PDCD6IP: variants seen among roughly 807,000 people sequenced by gnomAD.
The protein encoded by PDCD6IP is programmed cell death 6 interacting protein.
Under a neutral mutation model 103.7 loss-of-function variants are expected in PDCD6IP, and 43 were observed. The ratio of observed to expected loss-of-function variants is 0.41; its 90% confidence interval spans 0.32 to 0.53. The LOEUF (loss-of-function observed/expected upper bound fraction) is 0.53, where lower values mean the gene tolerates loss of function less well. PDCD6IP is among the 20% of genes least tolerant of loss of function. PDCD6IP has a pLI of 0.16. For missense variants in PDCD6IP, 871 were observed against 1,036.7 expected (o/e 0.84, Z 2.20); for synonymous variants, 354 against 378.7 (o/e 0.93, Z 0.76).
chr3:33,823,574 G>A (rs1045128728), intron 4 of PDCD6IP, among the ~76,000 whole-genome samples: 2 of 152,184 alleles, frequency 1.3e-5, no homozygotes, highest in African/African-American at 4.8e-5. Flanking sequence ...ACGAGGTCAG[G>A]AGTTCCAGAC....
chr3:33,842,790 C>T (rs1575932180), intron 10 of PDCD6IP, among the ~76,000 whole-genome samples: 1 of 152,184 alleles, frequency 6.6e-6, no homozygotes, highest in African/African-American at 2.4e-5. Context: ...AGTATTATTA[C>T]TCAGATTTTA....
intron 1 of PDCD6IP, among the ~76,000 whole-genome samples, chr3:33,800,450 C>G (rs1696451168): frequency 6.6e-6 from 1 of 152,052 alleles, no homozygotes; most frequent in African/African-American, 2.4e-5. Flanking sequence ...TTTAATTTCT[C>G]CTTACCCCAT....
At chr3:33,857,959 A>G (rs1559797509) in intron 15 of PDCD6IP, among the ~76,000 whole-genome samples, 1 of 152,350 alleles carries the variant, frequency 6.6e-6, no homozygotes, top group Non-Finnish European at 1.5e-5. Context: ...ATCACATGAG[A>G]GAGAAATTAA....
At chr3:33,802,723 C>T (rs1214171748) in intron 1 of PDCD6IP, among the ~76,000 whole-genome samples, 3 of 152,148 alleles carry the variant, frequency 2.0e-5, no homozygotes, top group African/African-American at 7.2e-5. Context: ...CTCCTGACCT[C>T]GGGTGATCCA....
intron 3 of PDCD6IP, among the ~76,000 whole-genome samples, chr3:33,819,219 T>C (rs1696931977): frequency 6.6e-6 from 1 of 152,114 alleles, no homozygotes; most frequent in African/African-American, 2.4e-5. Context: ...AAAAAATTTT[T>C]TTTCCTTCCT....
chr3:33,844,696 G>A (rs1471705936), intron 11 of PDCD6IP, among the ~76,000 whole-genome samples: 1 of 152,026 alleles, frequency 6.6e-6, no homozygotes, highest in Non-Finnish European at 1.5e-5. Flanking sequence ...GCCCTGGCTT[G>A]TCTTGAACTC....
chr3:33,812,085 A>G lies in PDCD6IP; in HGVS notation c.223A>G (p.Ile75Val). 1.9e-6 allele frequency: 3 copies of G among 1,597,310 alleles called. No homozygotes were observed. Among genetic ancestry groups the G allele is most frequent in the South Asian group, 1.1e-5 (1 of 87,814 alleles). The change falls in exon 2 of 18, where the codon ATT becomes GTT. Residue 75 changes from isoleucine (I) to valine (V), a missense_variant. By Grantham distance (29) the Ile-to-Val change is conservative. Transcript: ENST00000307296. ...TCTATTTTTTAGATATTATGATCAG[A>G]TTTGTTCTATTGAACCCAAATTCCC... ...LETLLRYYDQ[I>V]CSIEPKFPFS...
In PDCD6IP at chr3:33,852,756, T is replaced by C; in HGVS notation, c.1890+20T>C. ...ATTCAGGTGAAATTTATATATTTAATAAGATCTGTGTTTTAAAAATTACAG... is the reference window on the plus strand; with the variant it reads ...ATTCAGGTGAAATTTATATATTTAACAAGATCTGTGTTTTAAAAATTACAG... On this transcript the variant is annotated intron_variant, in intron 13 of 17. Transcript: ENST00000307296. 1 of 1,572,202 alleles carries C rather than the reference T, an allele frequency of 6.4e-7. No homozygotes were observed. Among genetic ancestry groups the C allele is most frequent in the Non-Finnish European group, 8.6e-7 (1 of 1,164,626 alleles).
At chr3:33,825,420 A>G (rs1316584402) in intron 5 of PDCD6IP, 80 bp downstream of exon 5, 9 of 1,206,446 alleles carry the variant, frequency 7.5e-6, no homozygotes, top group Non-Finnish European at 1.0e-5. Flanking sequence ...AGAATATAAT[A>G]TGTTCAATGT....
chr3:33,816,064 G>C (rs547825622), intron 3 of PDCD6IP, among the ~76,000 whole-genome samples: 83 of 152,302 alleles, frequency 5.4e-4, no homozygotes, highest in Middle Eastern at 6.8e-3. Flanking sequence ...TTTCAAAGGT[G>C]ATGTGGTCCA....
At chr3:33,863,189 CAT>C (rs976791034) in intron 15 of PDCD6IP, among the ~76,000 whole-genome samples, 8 of 152,148 alleles carry the variant, frequency 5.3e-5, no homozygotes, top group South Asian at 4.1e-4. Context: ...TTGTGGGGCA[CAT>C]GTGATATTTT....
chr3:33,826,401 TGTGACCTCA>T, intron 5 of PDCD6IP, 70 bp from the exon 6 acceptor site: 1 of 940,766 alleles, frequency 1.1e-6, no homozygotes, highest in Non-Finnish European at 1.6e-6. Flanking sequence ...TGTACAAACT[TGTGACCTCA>T]GTGTTTATAC....
At chr3:33,839,549 G>A (rs1399920334) in intron 9 of PDCD6IP, among the ~76,000 whole-genome samples, 1 of 152,146 alleles carries the variant, frequency 6.6e-6, no homozygotes, top group African/African-American at 2.4e-5. Context: ...CTGTTAATGG[G>A]CATTTCAGTT....
At chr3:33,827,959 G>A (rs1246580685) in intron 6 of PDCD6IP, 1 of 152,168 alleles carries the variant, frequency 6.6e-6, no homozygotes, top group African/African-American at 2.4e-5. Context: ...AAGCACACAA[G>A]GTAGTAATTC....
intron 15 of PDCD6IP, among the ~76,000 whole-genome samples, chr3:33,857,017 G>C (rs891426460): frequency 1.6e-4 from 24 of 151,898 alleles, no homozygotes; most frequent in African/African-American, 5.3e-4. Context: ...CATGAACAGA[G>C]AATGAACATG....
chr3:33,804,377 T>C (rs1006457604), intron 1 of PDCD6IP, among the ~76,000 whole-genome samples: 3 of 152,196 alleles, frequency 2.0e-5, no homozygotes, highest in Admixed American at 2.0e-4. Flanking sequence ...TGTCTCAATA[T>C]TGAGATAATA....
chr3:33,833,487 A>G (rs1006687746), intron 7 of PDCD6IP, among the ~76,000 whole-genome samples: 1 of 151,600 alleles, frequency 6.6e-6, no homozygotes, highest in Non-Finnish European at 1.5e-5. Flanking sequence ...CTCCTTGTAT[A>G]AATGTCTCAG....
intron 15 of PDCD6IP, among the ~76,000 whole-genome samples, chr3:33,862,081 A>G (rs938857021): frequency 1.3e-5 from 2 of 152,214 alleles, no homozygotes; most frequent in East Asian, 1.9e-4. Flanking sequence ...ATTTACTGCA[A>G]CCATCCCTAG....
At chr3:33,816,503 TAAAAAAAAAAAAAAA>T (rs57317946) in intron 3 of PDCD6IP, among the ~76,000 whole-genome samples, 2 of 57,636 alleles carry the variant, frequency 3.5e-5, no homozygotes, top group East Asian at 4.7e-4. Context: ...AGATTCTGTC[TAAAAAAAAAAAAAAA>T]AAAAAAAAAA....
Sources: gnomAD v4.1 joint callset for allele counts (sites outside exome capture counted in the v4.1 genomes callset) on GRCh38, gnomAD v4.1.1 for gene constraint, MANE v1.5 for transcripts, NCBI Gene and HGNC (gene_info 2026-07-23, HGNC 2026-07-21) for gene names.